The following NEDD4L variants were observed in gnomAD, a reference collection of about 807,000 sequenced individuals.
NEDD4L encodes the protein E3 ubiquitin-protein ligase NEDD4-like.
NEDD4L carries 54 observed loss-of-function variants against 148.9 expected under a neutral mutation model. That is an observed-to-expected ratio of 0.36 (90% CI 0.29 to 0.45). The LOEUF (loss-of-function observed/expected upper bound fraction) is 0.45, where lower values mean the gene tolerates loss of function less well. Among genes scored for constraint, NEDD4L ranks in the 20% least tolerant of loss-of-function variants. NEDD4L has a pLI of 1.00. For synonymous variants in NEDD4L, 433 were observed against 440.7 expected, an observed-to-expected ratio of 0.98 and a Z score of 0.22; for missense variants, 856 against 1,233.8, an observed-to-expected ratio of 0.69 and a Z score of 4.59.
Position 58,256,212 on chromosome 18 carries a change from G to T in NEDD4L, c.297+4158G>T, listed in dbSNP as rs2048532981. ...GCGGAGGAGGCTGCCCCGGGCCTGC[G>T]CATCCAGCACCGCGCCTCCAGCGCC... On this transcript the variant is annotated intron_variant, in intron 5 of 30. Transcript: ENST00000400345. The surrounding 1 kb of genome is among the most constrained non-coding windows in gnomAD (Gnocchi z 5.2). 1 of 1,222,330 alleles carries T rather than the reference G, an allele frequency of 8.2e-7. No individual in the cohort carries two copies. The highest frequency in any genetic ancestry group is 4.3e-5 in the Admixed American group (1 of 23,382). 75.7% of individuals were successfully genotyped at this position (1,222,330 alleles called of 1,614,324 possible).
chr18:58,335,946 G>A (rs968280689), intron 13 of NEDD4L: 1 of 173,956 alleles, frequency 5.7e-6, no homozygotes, highest in African/African-American at 2.4e-5. Flanking sequence ...GATGTGCCCA[G>A]GGCCCTTCTC....
At chr18:58,333,263 A>G (rs2041259713) in intron 11 of NEDD4L, among the ~76,000 whole-genome samples, 1 of 151,174 alleles carries the variant, frequency 6.6e-6, no homozygotes. Context: ...GAGCAATAGA[A>G]CAAGACTCTA....
At chr18:58,324,496 T>C (rs1044227440) in intron 8 of NEDD4L, among the ~76,000 whole-genome samples, 9 of 152,168 alleles carry the variant, frequency 5.9e-5, no homozygotes, top group African/African-American at 2.2e-4. Flanking sequence ...AACAGGACTC[T>C]GGGCCTCTGG....
intron 5 of NEDD4L, among the ~76,000 whole-genome samples, chr18:58,275,361 G>A (rs1372374595): frequency 6.6e-6 from 1 of 152,150 alleles, no homozygotes; most frequent in African/African-American, 2.4e-5. Flanking sequence ...GAAAATCCTT[G>A]TATAATAAGT....
intron 5 of NEDD4L, among the ~76,000 whole-genome samples, chr18:58,293,275 G>A (rs968279658): frequency 4.6e-5 from 7 of 152,132 alleles, no homozygotes; most frequent in Non-Finnish European, 8.8e-5. Context: ...ATTAACTGAC[G>A]GATCAAATTA....
At chr18:58,377,422 A>G (rs1568904894) in intron 24 of NEDD4L, among the ~76,000 whole-genome samples, 1 of 152,180 alleles carries the variant, frequency 6.6e-6, no homozygotes, top group East Asian at 1.9e-4. Context: ...AGTTAGAAAT[A>G]TCAGACCATG....
chr18:58,116,906 C>T (rs911005095), intron 1 of NEDD4L, among the ~76,000 whole-genome samples: 2 of 152,238 alleles, frequency 1.3e-5, no homozygotes, highest in East Asian at 1.9e-4. Context: ...GTTCTTTACC[C>T]AAACTCCTGC....
intron 18 of NEDD4L, among the ~76,000 whole-genome samples, chr18:58,355,080 C>A (rs1206201348): frequency 1.3e-5 from 2 of 152,104 alleles, no homozygotes; most frequent in East Asian, 3.9e-4. Flanking sequence ...GGGGAGCTCC[C>A]AGGGGATTTC....
rs1029129398 is a variant in NEDD4L at position 58,275,864 on chromosome 18, AGTAGGGGGAGCATTGAAG to A, written c.297+23835_297+23852del. On this transcript the variant is annotated intron_variant, in intron 5 of 30. Coordinates refer to ENST00000400345, the MANE Select transcript of NEDD4L (RefSeq NM_001144967.3). ...ATGAGAATCCCCTATGGGCATTGAA[AGTAGGGGGAGCATTGAAG>A]GTAGGGGGAGCATTGAAGGTAGGGA... 2.1e-4 allele frequency among the ~76,000 whole-genome samples: 32 copies of A among 152,254 alleles called. 1 individual carries two copies. The South Asian group carries it at 2.9e-3, about 14-fold the overall frequency.
At chr18:58,048,983 T>C (rs1301756139) in intron 1 of NEDD4L, among the ~76,000 whole-genome samples, 1 of 152,252 alleles carries the variant, frequency 6.6e-6, no homozygotes, top group African/African-American at 2.4e-5. Context: ...TTTTAAGATA[T>C]GCCATTATTT....
At chr18:58,139,880 T>C (rs546665848) in intron 1 of NEDD4L, among the ~76,000 whole-genome samples, 1 of 151,918 alleles carries the variant, frequency 6.6e-6, no homozygotes, top group Admixed American at 6.5e-5. Flanking sequence ...GGATGATGAG[T>C]CAGGCAGGTG....
At chr18:58,301,903 C>T (rs1181871775) in intron 5 of NEDD4L, among the ~76,000 whole-genome samples, 1 of 152,136 alleles carries the variant, frequency 6.6e-6, no homozygotes, top group Non-Finnish European at 1.5e-5. Flanking sequence ...TCCCTACAGG[C>T]GCCCTATGGA....
At chr18:58,357,549 C>T (rs2044852516) in intron 19 of NEDD4L, 2 of 564,804 alleles carry the variant, frequency 3.5e-6, no homozygotes, top group Non-Finnish European at 6.7e-6. Context: ...AATTCCCTCC[C>T]TTCCTTTTTA....
chr18:58,242,359 G>T (rs1310792491), intron 2 of NEDD4L, among the ~76,000 whole-genome samples: 1 of 152,174 alleles, frequency 6.6e-6, no homozygotes, highest in Non-Finnish European at 1.5e-5. Context: ...TGCAAAAACT[G>T]CCTGAGTTAG....
chr18:58,257,410 C>T (rs1484869287), intron 5 of NEDD4L, among the ~76,000 whole-genome samples: 1 of 151,748 alleles, frequency 6.6e-6, no homozygotes, highest in Non-Finnish European at 1.5e-5. Flanking sequence ...CATTACTATC[C>T]CACAAGTGAC....
chr18:58,342,015 G>A (rs1412873418), intron 15 of NEDD4L, among the ~76,000 whole-genome samples: 1 of 152,142 alleles, frequency 6.6e-6, no homozygotes, highest in Non-Finnish European at 1.5e-5. Flanking sequence ...TTCTCATTTG[G>A]CTAAGGCCGT....
At chr18:58,328,586 G>T (rs962766878) in intron 9 of NEDD4L, among the ~76,000 whole-genome samples, 1 of 152,182 alleles carries the variant, frequency 6.6e-6, no homozygotes, top group Non-Finnish European at 1.5e-5. Flanking sequence ...TAGCTGCCTT[G>T]TCATTGCTGG....
intron 2 of NEDD4L, among the ~76,000 whole-genome samples, chr18:58,232,391 A>G (rs904870561): frequency 1.3e-5 from 2 of 152,232 alleles, no homozygotes; most frequent in Non-Finnish European, 2.9e-5. Context: ...GACACAAGCA[A>G]AAATCTCCAG....
In NEDD4L at chr18:58,325,051, T is replaced by TTCC. The variant is rs747010088; in HGVS notation, c.581_583dup (p.Pro194dup). 3.7e-6 allele frequency: 6 copies of TTCC among 1,613,602 alleles called. No homozygotes were observed. The highest frequency in any genetic ancestry group is 1.7e-5 in the Admixed American group (1 of 59,998). ...TCGGCTTCTCAGCACCAAGAGGAACTTCCTCCTCCTCCTCTGCCTCCCGGG... is the reference window on the plus strand; with the variant it reads ...TCGGCTTCTCAGCACCAAGAGGAACTTCCTCCTCCTCCTCCTCTGCCTCCCGGG... On this transcript the variant is annotated inframe_insertion, in exon 9 of 31. Transcript: ENST00000400345.
Sources: gnomAD v4.1 joint callset for allele counts (sites outside exome capture counted in the v4.1 genomes callset) on GRCh38, gnomAD v4.1.1 for gene constraint, Gnocchi (gnomAD v3.1) non-coding constraint, MANE v1.5 for transcripts, NCBI Gene and HGNC (gene_info 2026-07-23, HGNC 2026-07-21) for gene names.